The following STOX2 variants were observed in gnomAD, a reference collection of about 807,000 sequenced individuals.
STOX2 encodes storkhead box 2, also known as storkhead-box protein 2.
A neutral mutation model predicts 60.9 loss-of-function variants in STOX2; 28 were observed. That is an observed-to-expected ratio of 0.46 (90% CI 0.34 to 0.63). The LOEUF (loss-of-function observed/expected upper bound fraction) is 0.63. Among genes scored for constraint, STOX2 ranks in the 30% least tolerant of loss-of-function variants. STOX2 has a pLI of 0.01. For synonymous variants in STOX2, 472 were observed against 463.9 expected (o/e 1.02, Z -0.22); for missense variants, 1,024 against 1,187.7 (o/e 0.86, Z 2.03).
intron 1 of STOX2, among the ~76,000 whole-genome samples, chr4:183,956,235 G>GC (rs1049285095): frequency 2.0e-5 from 3 of 152,126 alleles, no homozygotes; most frequent in Non-Finnish European, 2.9e-5. Flanking sequence ...GAGAGACTTT[G>GC]CAGCCTTCTT....
intron 1 of STOX2, among the ~76,000 whole-genome samples, chr4:183,963,993 T>C (rs1743489784): frequency 6.6e-6 from 1 of 151,834 alleles, no homozygotes; most frequent in African/African-American, 2.4e-5. Context: ...GCCAGGATGG[T>C]CTCGATCTCC....
rs1419143421 is a variant in STOX2 at position 183,891,673 on chromosome 4, A to G, written c.364+93618A>G. On this transcript the variant is annotated intron_variant, in intron 1 of 2. Transcript: ENST00000513034. ...GGGGTCAGTGTATACTGCTCAGGTG[A>G]CAGATGCACCAAAATCTCACAAATC... Among the ~76,000 whole-genome samples the G allele has an allele frequency of 3.9e-5, 6 of 151,990 alleles. No individual in the cohort carries two copies. The East Asian group carries it at 9.6e-4, about 24-fold the overall frequency.
At chr4:183,908,809 T>C (rs1009959956) in intron 1 of STOX2, among the ~76,000 whole-genome samples, 23 of 152,038 alleles carry the variant, frequency 1.5e-4, no homozygotes, top group African/African-American at 5.6e-4. Flanking sequence ...CTGTTTCAGG[T>C]TGGCGGTTTT....
chr4:183,888,100 G>T (rs1383009129), intron 1 of STOX2, among the ~76,000 whole-genome samples: 1 of 152,070 alleles, frequency 6.6e-6, no homozygotes, highest in African/African-American at 2.4e-5. Context: ...AATATCTTAG[G>T]GCCATGTGTA....
intron 1 of STOX2, among the ~76,000 whole-genome samples, chr4:183,813,577 G>A (rs1268212990): frequency 6.6e-6 from 1 of 152,146 alleles, no homozygotes; most frequent in Non-Finnish European, 1.5e-5. Flanking sequence ...CCTCTGTACC[G>A]AGGGAGGCCT....
intron 1 of STOX2, among the ~76,000 whole-genome samples, chr4:183,991,147 A>G (rs561442112): frequency 6.6e-6 from 1 of 152,126 alleles, no homozygotes; most frequent in Non-Finnish European, 1.5e-5. Flanking sequence ...ACTATTTCCC[A>G]TCTCCTAGTG....
intron 1 of STOX2, among the ~76,000 whole-genome samples, chr4:183,844,775 GTTCA>G (rs1739947852): frequency 6.6e-6 from 1 of 152,186 alleles, no homozygotes; most frequent in Admixed American, 6.5e-5. Context: ...GAGTTAGCAT[GTTCA>G]TTCATTTTAC....
chr4:183,800,565 A>G (rs1738738120), intron 1 of STOX2, among the ~76,000 whole-genome samples: 1 of 152,218 alleles, frequency 6.6e-6, no homozygotes, highest in Non-Finnish European at 1.5e-5. Flanking sequence ...TTTCATGCAT[A>G]TGAAACGGCC....
rs1560845468 is a variant in STOX2, at chr4:183,851,110, C to CGATGAGAGAAAGGATGAGGGAAAG, written c.364+53061_364+53062insAGAAAGGATGAGGGAAAGGATGAG. On this transcript the variant is annotated intron_variant, in intron 1 of 2. Transcript: ENST00000513034. ...AGGATGAGGGAAACGATGAGGGAAACGATGAGGGAAAGGATGAGGGAAACG... is the reference window on the plus strand; with the variant it reads ...AGGATGAGGGAAACGATGAGGGAAACGATGAGAGAAAGGATGAGGGAAAGGATGAGGGAAAGGATGAGGGAAACG... Among the ~76,000 whole-genome samples the CGATGAGAGAAAGGATGAGGGAAAG allele has an allele frequency of 3.7e-4, 5 of 13,368 alleles. 1 individual carries two copies. The highest frequency in any genetic ancestry group is 4.6e-4 in the Non-Finnish European group (3 of 6,498). 8.8% of individuals were successfully genotyped at this position (13,368 alleles called of 152,430 possible).
At chr4:183,934,371 C>G (rs1232933698) in intron 1 of STOX2, among the ~76,000 whole-genome samples, 1 of 152,138 alleles carries the variant, frequency 6.6e-6, no homozygotes, top group Non-Finnish European at 1.5e-5. Context: ...AAATTTCTGT[C>G]TCTCTATCCT....
intron 1 of STOX2, among the ~76,000 whole-genome samples, chr4:183,936,851 C>G (rs1025405321): frequency 6.6e-6 from 1 of 152,126 alleles, no homozygotes; most frequent in African/African-American, 2.4e-5. Context: ...GATATGTCAC[C>G]TCACTTTCAT....
In STOX2 at chr4:184,009,919, A is replaced by G. The variant is rs1340373983; in HGVS notation, c.1081A>G (p.Arg361Gly). 4 of 1,612,888 alleles carry G rather than the reference A, an allele frequency of 2.5e-6. No homozygotes were observed. The highest frequency in any genetic ancestry group is 2.7e-5 in the African/African-American group (2 of 74,926). The change falls in exon 3 of 4, where the codon AGG becomes GGG. Residue 361 changes from arginine (R) to glycine (G), a missense_variant. Coordinates refer to ENST00000308497, the MANE Select transcript of STOX2 (RefSeq NM_020225.3). This position sits in a 1 kb window ranked among gnomAD's most constrained non-coding sequence, Gnocchi z 4.0. ...AHHSGRSKKSRTHRKSHGKSR... is the reference protein window; with the variant it reads ...AHHSGRSKKSGTHRKSHGKSR... ...TCACAGCGGAAGGAGTAAAAAGAGT[A>G]GGACTCATCGGAAGTCCCATGGAAA...
intron 1 of STOX2, among the ~76,000 whole-genome samples, chr4:183,800,315 C>CG (rs1236333562): frequency 2.0e-5 from 3 of 151,830 alleles, no homozygotes; most frequent in Non-Finnish European, 2.9e-5. Context: ...CAAATGCTGG[C>CG]GGGGGGCCGG....
chr4:184,004,381 C>T (rs1052432274), intron 2 of STOX2, among the ~76,000 whole-genome samples: 40 of 152,186 alleles, frequency 2.6e-4, no homozygotes, highest in African/African-American at 8.9e-4. Context: ...GGGCGGATCA[C>T]GACGTCAAGA....
At chr4:183,951,591 C>T (rs1743095377) in intron 1 of STOX2, among the ~76,000 whole-genome samples, 1 of 150,154 alleles carries the variant, frequency 6.7e-6, no homozygotes, top group Admixed American at 6.7e-5. Flanking sequence ...GCTGGGATTA[C>T]AGGCGTGAGC....
chr4:183,801,416 C>A (rs753373079), intron 1 of STOX2, among the ~76,000 whole-genome samples: 1 of 152,204 alleles, frequency 6.6e-6, no homozygotes, highest in African/African-American at 2.4e-5. Context: ...TGCTTTCTAG[C>A]GCCAGCCTCT....
In STOX2 at chr4:183,802,419, G is replaced by T. The variant is rs147899280; in HGVS notation, c.364+4364G>T. The stretch of plus-strand genomic sequence containing the variant: ...AGACAAGGTTTCATTCTGTTGCCCA[G>T]GCTGGAGTGCAGTGGCACTATCATG... On this transcript the variant is annotated intron_variant, in intron 1 of 2. Transcript: ENST00000513034. Among the ~76,000 whole-genome samples, 265 of 152,278 alleles carry T rather than the reference G, an allele frequency of 1.7e-3. 1 individual carries two copies. Among genetic ancestry groups the T allele is most frequent in the African/African-American group, 6.3e-3 (260 of 41,558 alleles).
chr4:183,932,315 A>AT (rs113379638), intron 1 of STOX2, among the ~76,000 whole-genome samples: 7,025 of 56,058 alleles, frequency 0.13, 1,157 homozygotes, highest in African/African-American at 0.24. Context: ...GTATACATAC[A>AT]GTATATGTAT....
At chr4:183,853,399 C>G (rs1160342801) in intron 1 of STOX2, 1 of 152,148 alleles carries the variant, frequency 6.6e-6, no homozygotes, top group Non-Finnish European at 1.5e-5. Context: ...TCGTTCACCA[C>G]TACAGGAGAG....
Sources: gnomAD v4.1 joint callset for allele counts (sites outside exome capture counted in the v4.1 genomes callset) on GRCh38, gnomAD v4.1.1 for gene constraint, Gnocchi (gnomAD v3.1) non-coding constraint, MANE v1.5 for transcripts, NCBI Gene and HGNC (gene_info 2026-07-23, HGNC 2026-07-21) for gene names.